Variants in CSMD3 observed in about 807,000 individuals in gnomAD.
CSMD3 encodes the protein CUB and Sushi multiple domains 3, also known as CUB and sushi domain-containing protein 3.
CSMD3 carries 177 observed loss-of-function variants against 435.2 expected under a neutral mutation model. The ratio of observed to expected loss-of-function variants is 0.41; its 90% confidence interval spans 0.36 to 0.46. The LOEUF (loss-of-function observed/expected upper bound fraction) is 0.46. Among genes scored for constraint, CSMD3 ranks in the 20% least tolerant of loss-of-function variants. The pLI, the probability that CSMD3 is intolerant of heterozygous loss-of-function variation, is 0.34. For missense variants in CSMD3, 4,265 were observed against 4,504.6 expected (o/e 0.95, Z 1.52); for synonymous variants, 1,656 against 1,520.5 (o/e 1.09, Z -2.07).
At chr8:112,513,188 C>T (rs574608319) in intron 28 of CSMD3, among the ~76,000 whole-genome samples, 2 of 152,294 alleles carry the variant, frequency 1.3e-5, no homozygotes, top group African/African-American at 4.8e-5. Context: ...AAGAATTTTA[C>T]TTTTGCATTC....
chr8:112,910,016 G>A (rs1178604940), intron 10 of CSMD3, among the ~76,000 whole-genome samples: 2 of 151,664 alleles, frequency 1.3e-5, no homozygotes, highest in African/African-American at 4.8e-5. Context: ...AGTACGTTAC[G>A]GTTCATGAAT....
chr8:112,371,322 C>T (rs955428241), intron 38 of CSMD3, among the ~76,000 whole-genome samples: 3 of 152,142 alleles, frequency 2.0e-5, no homozygotes, highest in Admixed American at 6.6e-5. Context: ...ATACAGAATA[C>T]GACATCTCAA....
At chr8:113,273,192 T>C (rs1348769767) in intron 3 of CSMD3, among the ~76,000 whole-genome samples, 1 of 151,998 alleles carries the variant, frequency 6.6e-6, no homozygotes, top group African/African-American at 2.4e-5. Context: ...TTTTCTTGAT[T>C]ATTGAGATCC....
intron 4 of CSMD3, among the ~76,000 whole-genome samples, chr8:113,126,507 TAAAAG>T (rs1450561288): frequency 6.6e-6 from 1 of 152,026 alleles, no homozygotes; most frequent in Non-Finnish European, 1.5e-5. Context: ...AAGTTGATGT[TAAAAG>T]AATAGACAAC....
intron 61 of CSMD3, among the ~76,000 whole-genome samples, chr8:112,263,085 A>C (rs1816580272): frequency 6.6e-6 from 1 of 151,702 alleles, no homozygotes. Flanking sequence ...GTGTTCTTCC[A>C]AATTAATCTT....
intron 3 of CSMD3, among the ~76,000 whole-genome samples, chr8:113,257,859 T>C (rs1276098961): frequency 1.3e-5 from 2 of 152,144 alleles, no homozygotes; most frequent in Non-Finnish European, 2.9e-5. Flanking sequence ...TTTATAAACA[T>C]ACTGGAATTT....
intron 5 of CSMD3, among the ~76,000 whole-genome samples, chr8:113,084,309 A>G (rs1292217273): frequency 6.6e-6 from 1 of 152,108 alleles, no homozygotes; most frequent in East Asian, 1.9e-4. Flanking sequence ...ATTCACTAAT[A>G]GCAAACTAGT....
At chr8:112,666,928 C>A (rs1219803005) in intron 16 of CSMD3, among the ~76,000 whole-genome samples, 1 of 152,148 alleles carries the variant, frequency 6.6e-6, no homozygotes, top group Non-Finnish European at 1.5e-5. Context: ...AGAATAAGCT[C>A]CTCCAAATTA....
At chr8:112,417,781 G>A (rs1031832381) in intron 32 of CSMD3, among the ~76,000 whole-genome samples, 4 of 152,120 alleles carry the variant, frequency 2.6e-5, no homozygotes, top group African/African-American at 9.7e-5. Flanking sequence ...TTCTACCTTT[G>A]TTTTTGTTTA....
At chr8:112,565,338 G>C (rs1828976903) in intron 24 of CSMD3, among the ~76,000 whole-genome samples, 1 of 152,024 alleles carries the variant, frequency 6.6e-6, no homozygotes, top group African/African-American at 2.4e-5. Flanking sequence ...TATATAGTAA[G>C]AATAAAGGTA....
intron 57 of CSMD3, among the ~76,000 whole-genome samples, chr8:112,287,455 C>CT (rs1178316542): frequency 2.0e-5 from 3 of 152,022 alleles, no homozygotes; most frequent in Non-Finnish European, 4.4e-5. Flanking sequence ...TACAGTGTTA[C>CT]TTTTTTATCA....
chr8:113,118,291 C>T (rs943625762), intron 4 of CSMD3, among the ~76,000 whole-genome samples: 6 of 152,108 alleles, frequency 3.9e-5, no homozygotes, highest in Admixed American at 1.3e-4. Flanking sequence ...TGACTTATGG[C>T]ATATATCTAA....
chr8:112,673,158 T>C (rs2131736649), intron 16 of CSMD3, among the ~76,000 whole-genome samples: 1 of 152,108 alleles, frequency 6.6e-6, no homozygotes, highest in Middle Eastern at 3.4e-3. Flanking sequence ...ACAATGACAG[T>C]TCCATTTTGT....
chr8:112,633,872 A>G (rs1364442568), intron 22 of CSMD3, among the ~76,000 whole-genome samples: 1 of 152,068 alleles, frequency 6.6e-6, no homozygotes, highest in East Asian at 1.9e-4. Flanking sequence ...CATACTTTGT[A>G]TAAAATTTAA....
At chr8:113,021,409 G>A (rs1201909044) in intron 5 of CSMD3, among the ~76,000 whole-genome samples, 2 of 152,102 alleles carry the variant, frequency 1.3e-5, no homozygotes, top group Non-Finnish European at 2.9e-5. Flanking sequence ...TTACAATTTG[G>A]TTTTGTTCAA....
intron 17 of CSMD3, among the ~76,000 whole-genome samples, chr8:112,661,959 C>A (rs2075391545): frequency 6.6e-6 from 1 of 151,776 alleles, no homozygotes; most frequent in Admixed American, 6.6e-5. Flanking sequence ...TGCTATATAC[C>A]AGGAGCACAG....
intron 1 of CSMD3, among the ~76,000 whole-genome samples, chr8:113,361,362 G>C (rs2132988045): frequency 6.6e-6 from 1 of 152,234 alleles, no homozygotes; most frequent in East Asian, 1.9e-4. Flanking sequence ...AATTAGGTAT[G>C]AAAGCAGTAA....
intron 54 of CSMD3, among the ~76,000 whole-genome samples, chr8:112,293,992 A>T (rs553356534): frequency 2.0e-5 from 3 of 152,100 alleles, no homozygotes; most frequent in Non-Finnish European, 2.9e-5. Context: ...CAGTGGTATT[A>T]ATTGGCTATG....
chr8:112,274,222 A>G (rs1444657090), intron 59 of CSMD3, among the ~76,000 whole-genome samples: 1 of 152,060 alleles, frequency 6.6e-6, no homozygotes, highest in African/African-American at 2.4e-5. Flanking sequence ...AAAAGGAAAG[A>G]GTATATTTAA....
Sources: allele counts gnomAD v4.1 joint callset (sites outside exome capture counted in the v4.1 genomes callset), GRCh38; gene constraint gnomAD v4.1.1; transcripts MANE v1.5; gene names NCBI Gene and HGNC (gene_info 2026-07-23, HGNC 2026-07-21).